Variants in IAH1 observed in about 807,000 individuals in gnomAD.
IAH1 encodes the protein isoamyl acetate-hydrolyzing esterase 1 homolog.
In IAH1, 24 loss-of-function variants were observed where a neutral mutation model predicts 26.7. The ratio of observed to expected loss-of-function variants is 0.90; its 90% CI spans 0.65 to 1.26. The LOEUF is 1.26. Among genes scored for constraint, IAH1 ranks in the 50% most tolerant of loss-of-function variants. The pLI, the probability that IAH1 is intolerant of heterozygous loss-of-function variation, is 0.00. For synonymous variants in IAH1, 140 were observed against 118.5 expected (o/e 1.18, Z -1.18); for missense variants, 300 against 299.9 (o/e 1.00, Z 0.00).
At position 9,488,905 on chromosome 2, in the gene IAH1, AG is replaced by A. The variant is rs1317799166; in HGVS notation, c.*580del. ...GGCTGGTGAGCACATTTCAGTTCTTAGGGGAAAAAAAGCTTTTAATGGCAAT... is the reference window on the plus strand; with the variant it reads ...GGCTGGTGAGCACATTTCAGTTCTTAGGGAAAAAAAGCTTTTAATGGCAAT... On this transcript the variant is annotated 3_prime_UTR_variant, in exon 6 of 6. Coordinates refer to ENST00000497473, the MANE Select transcript of IAH1 (RefSeq NM_001039613.3). 1 of 152,232 alleles carries A rather than the reference AG, an allele frequency of 6.6e-6. No homozygotes were observed. Among genetic ancestry groups the A allele is most frequent in the Non-Finnish European group, 1.5e-5 (1 of 68,026 alleles). 9.4% of individuals were successfully genotyped at this position (152,232 alleles called of 1,614,324 possible).
At chr2:9,475,040 C>T in intron 1 of IAH1, 1 of 1,138,748 alleles carries the variant, frequency 8.8e-7, no homozygotes, top group Non-Finnish European at 1.1e-6. Flanking sequence ...GGAGGCCCCG[C>T]GGCCAGCTCC....
At chr2:9,480,092 A>G (rs1244194238) in intron 3 of IAH1, among the ~76,000 whole-genome samples, 1 of 151,752 alleles carries the variant, frequency 6.6e-6, no homozygotes, top group Non-Finnish European at 1.5e-5. Flanking sequence ...TTCAGGCATG[A>G]GCAACCGCAC....
chr2:9,479,351 C>CG (rs1462738254), intron 3 of IAH1, among the ~76,000 whole-genome samples: 1 of 151,724 alleles, frequency 6.6e-6, no homozygotes, highest in Non-Finnish European at 1.5e-5. Flanking sequence ...AAATAGGCTG[C>CG]GAAAAAACTG....
downstream of IAH1, chr2:9,497,015 C>A: frequency 6.5e-7 from 1 of 1,535,314 alleles, no homozygotes; most frequent in Admixed American, 1.9e-5. Context: ...TGGATCTCAC[C>A]ACTGCTGTCA....
downstream of IAH1, chr2:9,490,310 G>T (rs759921163): frequency 6.2e-7 from 1 of 1,614,162 alleles, no homozygotes; most frequent in Non-Finnish European, 8.5e-7. Flanking sequence ...ATTTGGGAAG[G>T]GGTCCTTCTC....
intron 4 of IAH1, among the ~76,000 whole-genome samples, chr2:9,481,936 A>G (rs1661198273): frequency 6.6e-6 from 1 of 152,112 alleles, no homozygotes; most frequent in African/African-American, 2.4e-5. Flanking sequence ...TTTGACTGAA[A>G]AACCTCTGCA....
chr2:9,480,061 G>A (rs1030444825), intron 3 of IAH1, among the ~76,000 whole-genome samples: 3 of 151,748 alleles, frequency 2.0e-5, no homozygotes, highest in South Asian at 2.1e-4. Flanking sequence ...CACCTGCCTC[G>A]GCCTCCCAAA....
chr2:9,481,155 T>A lies in IAH1; in HGVS notation c.284-131T>A, dbSNP rs1409036459. The A allele has an allele frequency of 5.2e-6, 5 of 959,244 alleles. No individual in the cohort carries two copies. In the Admixed American group the frequency reaches 1.2e-4, roughly 22 times the overall value. The allele number at this position is 959,244 out of a possible 1,614,324, so 59.4% of individuals were successfully genotyped here. A position where few individuals can be genotyped will look rare whatever the true frequency, so the allele number is the denominator to read the frequency against. ...TAATTCATAAGGAGAAAACCTTCTCTTTGTGTCCTTGGTGTTAAACAATCC... is the reference window on the plus strand; with the variant it reads ...TAATTCATAAGGAGAAAACCTTCTCATTGTGTCCTTGGTGTTAAACAATCC... On this transcript the variant is annotated intron_variant, in intron 3 of 5. Transcript: ENST00000497473.
chr2:9,479,587 CAG>C (rs1261132912), intron 3 of IAH1, among the ~76,000 whole-genome samples: 3 of 152,054 alleles, frequency 2.0e-5, no homozygotes, highest in Non-Finnish European at 4.4e-5. Flanking sequence ...TTTTTTGACT[CAG>C]AAAAGCAATA....
At chr2:9,491,263 T>C (rs1662119835), downstream of IAH1, 1 of 904,318 alleles carries the variant, frequency 1.1e-6, no homozygotes, top group African/African-American at 1.7e-5. Flanking sequence ...ACCTGAGTTG[T>C]AGAAAGTGAT....
At chr2:9,502,967 C>T in the IAH1 span, among the ~76,000 whole-genome samples, 29 of 150,840 alleles carry the variant, frequency 1.9e-4, no homozygotes, top group African/African-American at 6.1e-4. Flanking sequence ...GGTGAAACTC[C>T]GTCTCTACTA....
chr2:9,480,109 G>A (rs937781312), intron 3 of IAH1, among the ~76,000 whole-genome samples: 1 of 152,016 alleles, frequency 6.6e-6, no homozygotes, highest in Non-Finnish European at 1.5e-5. Flanking sequence ...GCACCTGGCC[G>A]TGTATTGCTA....
rs1461836665 is a variant in IAH1 at position 9,488,796 on chromosome 2, T to C, written c.*467T>C. The C allele has an allele frequency of 6.6e-6, 1 of 152,274 alleles. No homozygotes were observed. Among genetic ancestry groups the C allele is most frequent in the Non-Finnish European group, 1.5e-5 (1 of 68,110 alleles). The allele number at this position is 152,274 out of a possible 1,614,324, so 9.4% of individuals were successfully genotyped here. A position where few individuals can be genotyped will look rare whatever the true frequency, so the allele number is the denominator to read the frequency against. The stretch of plus-strand genomic sequence containing the variant: ...ATAACAAGTATCTGAGTAACAAATG[T>C]CCTTGGAAATGGGGGGTAGGAGGAG... On this transcript the variant is annotated 3_prime_UTR_variant, in exon 6 of 6. Transcript: ENST00000497473.
intron 3 of IAH1, among the ~76,000 whole-genome samples, chr2:9,480,322 G>GT (rs1474644975): frequency 6.6e-6 from 1 of 152,152 alleles, no homozygotes; most frequent in African/African-American, 2.4e-5. Flanking sequence ...GGGCAACAGA[G>GT]TGAGACTCTG....
downstream of IAH1, among the ~76,000 whole-genome samples, chr2:9,491,985 A>C (rs367749843): frequency 2.6e-4 from 40 of 152,338 alleles, no homozygotes; most frequent in East Asian, 4.1e-3. Context: ...CGTCACCTTC[A>C]GCTTTCTTCA....
downstream of IAH1, chr2:9,489,886 A>AC (rs1661968086): frequency 6.6e-6 from 2 of 302,724 alleles, no homozygotes; most frequent in Non-Finnish European, 1.2e-5. Context: ...AAACGTAAAT[A>AC]TTCATAACCC....
At chr2:9,484,409 C>T (rs965561599) in intron 4 of IAH1, 23 bp from the exon 5 acceptor site, 2 of 1,579,942 alleles carry the variant, frequency 1.3e-6, no homozygotes, top group East Asian at 4.5e-5. Context: ...CCAACTGCCA[C>T]CTCTATTTCT....
Position 9,474,612 on chromosome 2 carries a change from C to T in IAH1, c.46C>T (p.Pro16Ser). The T allele has an allele frequency of 6.4e-7, 1 of 1,554,598 alleles. No individual in the cohort carries two copies. Residue 16 changes from proline (P) to serine (S), a missense_variant, in exon 1 of 6, where the codon CCT becomes TCT. Transcript: ENST00000497473. This position sits in a 1 kb window ranked among gnomAD's most constrained non-coding sequence, Gnocchi z 4.3. ...GGGCTGCGGGAGTGCCCTGCTCTGGCCTCGCTTGTTGCTCTTCGGGGACTC... is the reference window on the plus strand; with the variant it reads ...GGGCTGCGGGAGTGCCCTGCTCTGGTCTCGCTTGTTGCTCTTCGGGGACTC... ...AAGCGSALLW[P>S]RLLLFGDSIT...
At position 9,488,486 on chromosome 2, in the gene IAH1, TTG is replaced by T; in HGVS notation, c.*161_*162del. 2 of 531,694 alleles carry T rather than the reference TTG, an allele frequency of 3.8e-6. No homozygotes were observed. The highest frequency in any genetic ancestry group is 3.1e-5 in the East Asian group (1 of 31,886). The allele number at this position is 531,694 out of a possible 1,614,324, so 32.9% of individuals were successfully genotyped here. On this transcript the variant is annotated 3_prime_UTR_variant, in exon 6 of 6. Coordinates refer to ENST00000497473, the MANE Select transcript of IAH1 (RefSeq NM_001039613.3). ...CAGGGAAGTTTTATACTTAGGTCCATTGTGTTTCGACAGTATTTATTAATGCA... is the reference window on the plus strand; with the variant it reads ...CAGGGAAGTTTTATACTTAGGTCCATTGTTTCGACAGTATTTATTAATGCA...
Sources: allele counts gnomAD v4.1 joint callset (sites outside exome capture counted in the v4.1 genomes callset), GRCh38; gene constraint gnomAD v4.1.1; non-coding constraint Gnocchi (gnomAD v3.1); transcripts MANE v1.5; gene names NCBI Gene and HGNC (gene_info 2026-07-23, HGNC 2026-07-21).